Variants in PPM1H observed in about 807,000 individuals in gnomAD.
PPM1H encodes the protein protein phosphatase, Mg2+/Mn2+ dependent 1H.
In PPM1H, 27 loss-of-function variants were observed where a neutral mutation model predicts 54.9. That is an observed-to-expected ratio of 0.49 (90% CI 0.36 to 0.68). The LOEUF (loss-of-function observed/expected upper bound fraction) is 0.68, where lower values mean the gene tolerates loss of function less well. PPM1H is among the 30% of genes least tolerant of loss of function. The pLI, the probability that PPM1H is intolerant of heterozygous loss-of-function variation, is 0.00. For missense variants in PPM1H, 596 were observed against 667.8 expected, an observed-to-expected ratio of 0.89 and a Z score of 1.19; for synonymous variants, 305 against 270.8, an observed-to-expected ratio of 1.13 and a Z score of -1.24.
At chr12:62,907,063 T>C (rs897996338) in intron 1 of PPM1H, among the ~76,000 whole-genome samples, 3 of 152,220 alleles carry the variant, frequency 2.0e-5, no homozygotes, top group Admixed American at 6.5e-5. Context: ...ATCGATCACC[T>C]CCAAATCTTT....
intron 1 of PPM1H, among the ~76,000 whole-genome samples, chr12:62,920,314 C>G (rs965864992): frequency 2.0e-5 from 3 of 152,190 alleles, no homozygotes; most frequent in African/African-American, 7.2e-5. Flanking sequence ...TACAAAAAAT[C>G]CTCTTTTTAA....
intron 1 of PPM1H, among the ~76,000 whole-genome samples, chr12:62,925,307 A>G (rs917936024): frequency 2.6e-5 from 4 of 152,042 alleles, no homozygotes; most frequent in Non-Finnish European, 4.4e-5. Flanking sequence ...GGTGGGGTAC[A>G]GTGACTCACA....
At chr12:62,772,456 A>G (rs1819375284) in intron 4 of PPM1H, among the ~76,000 whole-genome samples, 1 of 152,148 alleles carries the variant, frequency 6.6e-6, no homozygotes, top group African/African-American at 2.4e-5. Context: ...TAAAAATTTT[A>G]TTTTAGATTT....
intron 1 of PPM1H, among the ~76,000 whole-genome samples, chr12:62,913,443 CCA>C (rs1177868946): frequency 2.0e-5 from 3 of 152,088 alleles, no homozygotes; most frequent in Non-Finnish European, 1.5e-5. Flanking sequence ...GGAGAGCACC[CCA>C]CAGTTTCCCA....
At chr12:62,730,239 C>T (rs7309836) in intron 5 of PPM1H, among the ~76,000 whole-genome samples, 3 of 152,186 alleles carry the variant, frequency 2.0e-5, no homozygotes, top group Non-Finnish European at 2.9e-5. Context: ...TTGGTGGTCT[C>T]TTCACATGGA....
At chr12:62,849,525 A>G (rs1044159642) in intron 1 of PPM1H, among the ~76,000 whole-genome samples, 5 of 152,186 alleles carry the variant, frequency 3.3e-5, no homozygotes, top group African/African-American at 1.2e-4. Context: ...GAAGCTGAGC[A>G]GCTCTCAGAT....
At chr12:62,791,297 G>A (rs538620022) in intron 3 of PPM1H, among the ~76,000 whole-genome samples, 2 of 152,120 alleles carry the variant, frequency 1.3e-5, no homozygotes, top group Non-Finnish European at 1.5e-5. Context: ...GGGCACGGGT[G>A]TCAGGTGGGA....
chr12:62,933,192 C>T (rs921523034), intron 1 of PPM1H, among the ~76,000 whole-genome samples: 1 of 152,164 alleles, frequency 6.6e-6, no homozygotes. Flanking sequence ...TTTCACACTC[C>T]AATCGTCTAG....
At chr12:62,729,617 C>G (rs2120496728) in intron 5 of PPM1H, among the ~76,000 whole-genome samples, 1 of 152,310 alleles carries the variant, frequency 6.6e-6, no homozygotes, top group East Asian at 1.9e-4. Flanking sequence ...GACCAGCACC[C>G]CATCATCAGC....
intron 6 of PPM1H, among the ~76,000 whole-genome samples, chr12:62,711,007 T>C (rs2076204322): frequency 6.6e-6 from 1 of 152,194 alleles, no homozygotes; most frequent in Non-Finnish European, 1.5e-5. Flanking sequence ...GTTTTGTTTG[T>C]TTGAGATAGG....
intron 7 of PPM1H, 37 bp from the exon 8 acceptor site, chr12:62,689,843 C>G (rs374384389): frequency 3.5e-6 from 5 of 1,447,882 alleles, no homozygotes; most frequent in Non-Finnish European, 4.8e-6. Flanking sequence ...GAAACACGCA[C>G]ACAGTGAAAG....
intron 4 of PPM1H, among the ~76,000 whole-genome samples, chr12:62,772,462 G>C (rs1156430963): frequency 6.6e-6 from 1 of 152,106 alleles, no homozygotes; most frequent in Non-Finnish European, 1.5e-5. Context: ...TTTTATTTTA[G>C]ATTTGTATCT....
chr12:62,879,433 TA>T (rs1273281168), intron 1 of PPM1H, among the ~76,000 whole-genome samples: 17 of 152,150 alleles, frequency 1.1e-4, no homozygotes, highest in African/African-American at 3.9e-4. Context: ...TATGCAGCCA[TA>T]AAAAAGGATG....
At chr12:62,750,067 CA>C (rs10564133) in intron 4 of PPM1H, among the ~76,000 whole-genome samples, 7,879 of 145,188 alleles carry the variant, frequency 0.054, 626 homozygotes, top group African/African-American at 0.18. Flanking sequence ...TATCATTTCT[CA>C]AAAAAAAAAA....
chr12:62,745,615 A>C (rs996057834), intron 4 of PPM1H, among the ~76,000 whole-genome samples: 2 of 152,238 alleles, frequency 1.3e-5, no homozygotes, highest in African/African-American at 4.8e-5. Flanking sequence ...GAGCTCAGTC[A>C]CAGCAGCACA....
chr12:62,851,227 T>A (rs1348671303), intron 1 of PPM1H, among the ~76,000 whole-genome samples: 1 of 152,116 alleles, frequency 6.6e-6, no homozygotes, highest in Non-Finnish European at 1.5e-5. Flanking sequence ...AGGCAGCTTG[T>A]AGGGCCAGAA....
chr12:62,917,605 A>G (rs1221597908), intron 1 of PPM1H, among the ~76,000 whole-genome samples: 1 of 152,230 alleles, frequency 6.6e-6, no homozygotes, highest in Non-Finnish European at 1.5e-5. Context: ...TTCCAGGCAA[A>G]TATTTCAAAT....
At chr12:62,802,649 C>T (rs1448489569) in intron 2 of PPM1H, among the ~76,000 whole-genome samples, 1 of 151,984 alleles carries the variant, frequency 6.6e-6, no homozygotes, top group African/African-American at 2.4e-5. Flanking sequence ...CTGCAACCTC[C>T]ACCGCCCAGG....
At chr12:62,840,520 G>A (rs1868706950) in intron 1 of PPM1H, among the ~76,000 whole-genome samples, 2 of 152,156 alleles carry the variant, frequency 1.3e-5, no homozygotes, top group South Asian at 2.1e-4. Context: ...GAATACAGAG[G>A]AGGCAAGTCA....
Sources: allele counts gnomAD v4.1 joint callset (sites outside exome capture counted in the v4.1 genomes callset), GRCh38; gene constraint gnomAD v4.1.1; transcripts MANE v1.5; gene names NCBI Gene and HGNC (gene_info 2026-07-23, HGNC 2026-07-21).